The following TDRD7 variants were observed in gnomAD, a reference collection of about 807,000 sequenced individuals.
TDRD7 encodes the protein tudor domain-containing protein 7.
In TDRD7, 47 loss-of-function variants were observed where a neutral mutation model predicts 109.8. That is an observed-to-expected ratio of 0.43 (90% CI 0.34 to 0.55). TDRD7 has a LOEUF of 0.55. TDRD7 is among the 20% of genes least tolerant of loss of function. TDRD7 has a pLI of 0.03. For missense variants in TDRD7, 1,164 were observed against 1,319.2 expected (o/e 0.88, Z 1.82); for synonymous variants, 424 against 457.3 (o/e 0.93, Z 0.93).
At chr9:97,467,665 C>T (rs1828842689) in intron 8 of TDRD7, among the ~76,000 whole-genome samples, 1 of 152,166 alleles carries the variant, frequency 6.6e-6, no homozygotes. Context: ...AAGGAAATAA[C>T]TATGATAGAA....
chr9:97,491,729 A>T (rs1829312471), intron 16 of TDRD7, among the ~76,000 whole-genome samples: 4 of 152,198 alleles, frequency 2.6e-5, no homozygotes, highest in Admixed American at 2.6e-4. Context: ...TAAGCTCTAT[A>T]AAACCCTGTG....
chr9:97,475,244 T>C lies in TDRD7; in HGVS notation c.2080-139T>C, dbSNP rs114305042. ...AAGACAAAAGTTTTATAACCCTGTG[T>C]GTTTGCTGCATCCATTGCTGGAAGT... On this transcript the variant is annotated intron_variant, in intron 11 of 16. Transcript: ENST00000355295. 1.8e-3 allele frequency: 1,305 copies of C among 722,708 alleles called. 17 individuals are homozygous for C. In the African/African-American group the frequency reaches 0.021, roughly 11 times the overall value. The allele number at this position is 722,708 out of a possible 1,614,324, so 44.8% of individuals were successfully genotyped here. A position where few individuals can be genotyped will look rare whatever the true frequency, so the allele number is the denominator to read the frequency against.
At chr9:97,454,170 A>G (rs189952868) in intron 6 of TDRD7, among the ~76,000 whole-genome samples, 3 of 152,334 alleles carry the variant, frequency 2.0e-5, no homozygotes, top group African/African-American at 7.2e-5. Flanking sequence ...AGCAAATGCA[A>G]AAGAACTGAA....
chr9:97,434,964 A>G (rs1266209552), intron 4 of TDRD7, among the ~76,000 whole-genome samples: 1 of 152,148 alleles, frequency 6.6e-6, no homozygotes, highest in African/African-American at 2.4e-5. Flanking sequence ...TTGAAATTAT[A>G]AAATTATAAA....
Position 97,495,796 on chromosome 9 carries a change from C to G in TDRD7, c.3210C>G (p.Tyr1070Ter). The G allele has an allele frequency of 6.2e-7, 1 of 1,614,160 alleles. No homozygotes were observed. Among genetic ancestry groups the G allele is most frequent in the Non-Finnish European group, 8.5e-7 (1 of 1,180,040 alleles). The change falls in exon 17 of 17, where the codon TAC (tyrosine) becomes TAG (stop). Residue 1070 changes from tyrosine to a stop codon, truncating the protein, a stop_gained. Transcript: ENST00000355295. LOFTEE classifies it high-confidence loss of function. ...ANPWDRKVVVYLVDTSLPDTD... is the reference protein window; with the variant it reads ...ANPWDRKVVV ...CTTGGGACCGGAAAGTAGTGGTCTA[C>G]TTAGTGGACACATCGTTGCCAGACA...
At position 97,487,406 on chromosome 9, in the gene TDRD7, A is replaced by G. The variant is rs1564216797; in HGVS notation, c.3076+74A>G. 4 of 1,601,098 alleles carry G rather than the reference A, an allele frequency of 2.5e-6. No homozygotes were observed. In the East Asian group the frequency reaches 6.7e-5, roughly 27 times the overall value. On this transcript the variant is annotated intron_variant, in intron 16 of 16. Transcript: ENST00000355295. ...ATTTTATCCTGGGTACTTAGCAAGTACTGAATCATTGGCCTCTTGAGTTTA... is the reference window on the plus strand; with the variant it reads ...ATTTTATCCTGGGTACTTAGCAAGTGCTGAATCATTGGCCTCTTGAGTTTA...
chr9:97,415,759 C>T (rs115567264), intron 1 of TDRD7, among the ~76,000 whole-genome samples: 2,317 of 152,318 alleles, frequency 0.015, 53 homozygotes, highest in African/African-American at 0.053. Context: ...CGCCACTGCA[C>T]TCCAGTTGAA....
At chr9:97,460,978 A>G (rs1235227096) in intron 7 of TDRD7, among the ~76,000 whole-genome samples, 3 of 152,068 alleles carry the variant, frequency 2.0e-5, no homozygotes, top group African/African-American at 4.8e-5. Flanking sequence ...CGTCTCTACT[A>G]AAAATACAAA....
At chr9:97,484,635 T>C (rs1829180603) in intron 15 of TDRD7, among the ~76,000 whole-genome samples, 1 of 152,248 alleles carries the variant, frequency 6.6e-6, no homozygotes, top group Non-Finnish European at 1.5e-5. Flanking sequence ...CAGTGAAGCG[T>C]ATAAAAGCTC....
At chr9:97,475,291 C>G (rs1828998711) in intron 11 of TDRD7, 92 bp from the exon 12 acceptor site, 2 of 986,000 alleles carry the variant, frequency 2.0e-6, no homozygotes, top group Admixed American at 1.9e-5. Flanking sequence ...TCGGTTAAGT[C>G]TGCCAGTGCC....
chr9:97,426,941 C>T (rs35600334), intron 1 of TDRD7, among the ~76,000 whole-genome samples: 11,166 of 152,180 alleles, frequency 0.073, 659 homozygotes, highest in African/African-American at 0.17. Flanking sequence ...TAGAATTCTC[C>T]GCTGTCCAGT....
intron 6 of TDRD7, among the ~76,000 whole-genome samples, chr9:97,457,625 G>A (rs1034709570): frequency 3.9e-5 from 6 of 151,974 alleles, no homozygotes; most frequent in South Asian, 2.1e-4. Context: ...TGATCTGCCC[G>A]CCTTGGCCTC....
At chr9:97,480,780 G>C in intron 13 of TDRD7, 48 bp from the exon 14 acceptor site, 1 of 1,405,958 alleles carries the variant, frequency 7.1e-7, no homozygotes, top group Non-Finnish European at 1.0e-6. Context: ...CTCATAACTA[G>C]GTATTTTAAC....
chr9:97,489,795 C>G (rs889761153), intron 16 of TDRD7, among the ~76,000 whole-genome samples: 8 of 151,902 alleles, frequency 5.3e-5, no homozygotes, highest in Non-Finnish European at 1.2e-4. Context: ...ACTTTCTCTC[C>G]TTTCTTAGGA....
At chr9:97,476,448 G>A (rs1200222818) in intron 12 of TDRD7, among the ~76,000 whole-genome samples, 1 of 151,392 alleles carries the variant, frequency 6.6e-6, no homozygotes, top group East Asian at 1.9e-4. Flanking sequence ...GTTTGAGGTG[G>A]CACACACCTA....
At chr9:97,472,630 G>A (rs1828941702) in intron 10 of TDRD7, 135 bp downstream of exon 10, 1 of 777,704 alleles carries the variant, frequency 1.3e-6, no homozygotes, top group East Asian at 2.7e-5. Flanking sequence ...GGAGGGAGTG[G>A]GGCTAGAAGG....
intron 1 of TDRD7, among the ~76,000 whole-genome samples, chr9:97,423,235 C>G (rs1369050866): frequency 6.6e-6 from 1 of 152,128 alleles, no homozygotes; most frequent in East Asian, 1.9e-4. Flanking sequence ...TTATTTATTT[C>G]TTCTTGAGTA....
At chr9:97,456,557 A>G (rs1828614715) in intron 6 of TDRD7, among the ~76,000 whole-genome samples, 1 of 152,218 alleles carries the variant, frequency 6.6e-6, no homozygotes, top group Non-Finnish European at 1.5e-5. Flanking sequence ...AACAAACCTG[A>G]CAAAAGCAAT....
chr9:97,477,259 CA>C (rs757436915), intron 12 of TDRD7, among the ~76,000 whole-genome samples: 9 of 152,136 alleles, frequency 5.9e-5, no homozygotes, highest in Non-Finnish European at 1.0e-4. Context: ...GACATTAATA[CA>C]AAACCATTAG....
Sources: gnomAD v4.1 joint callset for allele counts (sites outside exome capture counted in the v4.1 genomes callset) on GRCh38, gnomAD v4.1.1 for gene constraint, MANE v1.5 for transcripts, NCBI Gene and HGNC (gene_info 2026-07-23, HGNC 2026-07-21) for gene names.